FREM2: variants seen among roughly 807,000 people sequenced by gnomAD.
The protein encoded by FREM2 is FRAS1-related extracellular matrix protein 2.
In FREM2, 119 loss-of-function variants were observed where a neutral mutation model predicts 219.9. The ratio of observed to expected loss-of-function variants is 0.54; its 90% CI spans 0.47 to 0.63. The LOEUF is 0.63. Ranked by LOEUF, FREM2 falls within the 30% of genes least tolerant of loss-of-function variation. The probability of loss-of-function intolerance (pLI) is 0.00; values close to 1 mark genes in which losing one functional copy is unlikely to be tolerated. For synonymous variants in FREM2, 1,562 were observed against 1,522.8 expected (o/e 1.03, Z -0.60); for missense variants, 4,030 against 3,993.6 (o/e 1.01, Z -0.25).
At chr13:38,732,369 A>G (rs1307512995) in intron 2 of FREM2, among the ~76,000 whole-genome samples, 2 of 152,222 alleles carry the variant, frequency 1.3e-5, no homozygotes, top group Non-Finnish European at 2.9e-5. Flanking sequence ...ATTGCTGCTT[A>G]ATAGTAAAAT....
At chr13:38,756,448 T>G (rs554115204) in intron 2 of FREM2, among the ~76,000 whole-genome samples, 4 of 152,014 alleles carry the variant, frequency 2.6e-5, no homozygotes, top group Admixed American at 2.0e-4. Context: ...AGCACACGAA[T>G]TTTCTTTGCA....
At position 38,689,021 on chromosome 13, in the gene FREM2, G is replaced by C. The variant is rs199921323; in HGVS notation, c.1677G>C (p.Gln559His). 162 of 1,613,848 alleles carry C rather than the reference G, an allele frequency of 1.0e-4. No homozygotes were observed. The highest frequency in any genetic ancestry group is 1.3e-4 in the Non-Finnish European group (153 of 1,179,936). ...TCACCTTAGTGCCTGTGGATGACCA[G>C]CCACCTGTTCTCAATGCCAACACGG... ...FPITLVPVDD[Q>H]PPVLNANTGL... The change falls in exon 1 of 24, where the codon CAG becomes CAC. Residue 559 changes from glutamine (Q) to histidine (H), a missense_variant. Physicochemically the swap from Gln to His is conservative, Grantham distance 24. This residue lies in a region of FREM2 where 3,102 missense variants were observed against 2,950.7 expected (regional missense o/e 1.05). Coordinates refer to ENST00000280481, the MANE Select transcript of FREM2 (RefSeq NM_207361.6).
chr13:38,688,785 C>A lies in FREM2; in HGVS notation c.1441C>A (p.Leu481Ile). The A allele has an allele frequency of 5.0e-6, 8 of 1,614,066 alleles. No individual in the cohort carries two copies. The highest frequency in any genetic ancestry group is 5.9e-6 in the Non-Finnish European group (7 of 1,180,030). The stretch of plus-strand genomic sequence containing the variant: ...TGAGGATGACCTAGAAGCAGTGCGG[C>A]TAGAGGTGGTGGCTGGGCTCCGGCA... The part of the protein sequence containing the change: ...SDEDDLEAVR[L>I]EVVAGLRHGH... The change falls in exon 1 of 24, where the codon CTA becomes ATA. Residue 481 changes from leucine to isoleucine, a missense_variant. This residue lies in a region of FREM2 where 3,102 missense variants were observed against 2,950.7 expected (regional missense o/e 1.05). Coordinates refer to ENST00000280481, the MANE Select transcript of FREM2 (RefSeq NM_207361.6).
chr13:38,840,868 CA>C (rs1421547517), intron 6 of FREM2, among the ~76,000 whole-genome samples: 3 of 151,986 alleles, frequency 2.0e-5, no homozygotes, highest in African/African-American at 4.8e-5. Flanking sequence ...ATACAATGAA[CA>C]ATCCTTTGTA....
chr13:38,847,350 G>A (rs1371247802), intron 7 of FREM2, among the ~76,000 whole-genome samples: 5 of 151,902 alleles, frequency 3.3e-5, no homozygotes, highest in African/African-American at 7.3e-5. Flanking sequence ...ACACACATGA[G>A]AACACACATG....
chr13:38,689,368 A>T lies in FREM2; in HGVS notation c.2024A>T (p.Gln675Leu). Reference sequence around the variant, plus strand: ...ACAGACCAGTTCACATTTAGAGTCCAGGATAACCATGACCCTCCTAATCAG... The same window carrying T: ...ACAGACCAGTTCACATTTAGAGTCCTGGATAACCATGACCCTCCTAATCAG... ...PVTDQFTFRV[Q>L]DNHDPPNQSG... Residue 675 changes from glutamine to leucine, a missense_variant, in exon 1 of 24, where the codon CAG becomes CTG. This residue lies in a region of FREM2 where 3,102 missense variants were observed against 2,950.7 expected (regional missense o/e 1.05). Transcript: ENST00000280481. 1 of 1,614,124 alleles carries T rather than the reference A, an allele frequency of 6.2e-7. No homozygotes were observed. Among genetic ancestry groups the T allele is most frequent in the South Asian group, 1.1e-5 (1 of 91,088 alleles).
intron 2 of FREM2, among the ~76,000 whole-genome samples, chr13:38,752,366 A>G (rs938268597): frequency 6.6e-6 from 1 of 152,174 alleles, no homozygotes. Flanking sequence ...GCCGCTGAAA[A>G]CAAATAGAGC....
chr13:38,716,958 T>C (rs1454759667), intron 2 of FREM2, among the ~76,000 whole-genome samples: 1 of 152,214 alleles, frequency 6.6e-6, no homozygotes, highest in Non-Finnish European at 1.5e-5. Context: ...AAGCTTATAC[T>C]ATAAATGCTT....
chr13:38,768,025 A>G (rs1260487627), intron 3 of FREM2, among the ~76,000 whole-genome samples: 3 of 152,162 alleles, frequency 2.0e-5, no homozygotes, highest in Non-Finnish European at 2.9e-5. Context: ...CGAAGGCAAG[A>G]GTTTTTGTCT....
intron 6 of FREM2, among the ~76,000 whole-genome samples, chr13:38,813,555 C>A (rs1467082351): frequency 0.013 from 283 of 22,354 alleles, no homozygotes; most frequent in African/African-American, 0.018. Context: ...CTCTCTCTCT[C>A]TCTCTCTCTA....
intron 2 of FREM2, among the ~76,000 whole-genome samples, chr13:38,758,928 G>A (rs1873123258): frequency 6.6e-6 from 1 of 152,104 alleles, no homozygotes; most frequent in African/African-American, 2.4e-5. Flanking sequence ...AACTACTCAG[G>A]GGCCTGAGGT....
chr13:38,874,519 G>C lies in FREM2; in HGVS notation c.8214G>C (p.Glu2738Asp). The change falls in exon 18 of 24, where the codon GAG becomes GAC. Residue 2738 changes from glutamate (E) to aspartate (D), a missense_variant. Coordinates refer to ENST00000280481, the MANE Select transcript of FREM2 (RefSeq NM_207361.6). The part of the protein sequence containing the change: ...LYPTSMRIGD[E>D]GRLAVHFKTE... ...CAACCAGCATGCGCATCGGTGATGA[G>C]GGGCGCTTGGCCGTGCACTTCAAGA... 1 of 1,614,138 alleles carries C rather than the reference G, an allele frequency of 6.2e-7. No homozygotes were observed.
chr13:38,689,876 C>T lies in FREM2; in HGVS notation c.2532C>T (p.His844=), dbSNP rs1369224911. 9 of 1,614,162 alleles carry T rather than the reference C, an allele frequency of 5.6e-6. No individual in the cohort carries two copies. The highest frequency in any genetic ancestry group is 7.6e-6 in the Non-Finnish European group (9 of 1,180,028). The change falls in exon 1 of 24, where the codon CAC becomes CAT. Residue 844 remains histidine (H), a synonymous_variant. Coordinates refer to ENST00000280481, the MANE Select transcript of FREM2 (RefSeq NM_207361.6). Reference sequence around the variant, plus strand: ...GCTTCACTATTCAGGAGAAGGGTCACCACATCCTGAGTGAGACAGAGTTGC... The same window carrying T: ...GCTTCACTATTCAGGAGAAGGGTCATCACATCCTGAGTGAGACAGAGTTGC... The part of the protein sequence containing the change: ...NTGFTIQEKG[H]HILSETELHV...
At chr13:38,766,927 A>G (rs1873459179) in intron 3 of FREM2, among the ~76,000 whole-genome samples, 1 of 152,204 alleles carries the variant, frequency 6.6e-6, no homozygotes, top group African/African-American at 2.4e-5. Flanking sequence ...GTAGTGAACT[A>G]TGAAGAAACA....
intron 2 of FREM2, among the ~76,000 whole-genome samples, chr13:38,743,299 A>G (rs1409315661): frequency 1.3e-5 from 2 of 151,412 alleles, no homozygotes; most frequent in Non-Finnish European, 2.9e-5. Flanking sequence ...ATATAGCTAT[A>G]TAGAGAGATA....
rs1033974114 is a variant in FREM2 at position 38,711,591 on chromosome 13, A to G, written c.5263+13804A>G. ...GATACCATATAGCATTTGATTTTTG[A>G]TATTTCAAGGAATGGATTGTTTTTT... is the stretch of plus-strand genomic sequence containing the variant. On this transcript the variant is annotated intron_variant, in intron 2 of 23. Coordinates refer to ENST00000280481, the MANE Select transcript of FREM2 (RefSeq NM_207361.6). Among the ~76,000 whole-genome samples, 3 of 152,308 alleles carry G rather than the reference A, an allele frequency of 2.0e-5. No homozygotes were observed. In the South Asian group the frequency reaches 6.2e-4, roughly 32 times the overall value.
chr13:38,720,124 A>G (rs1365137355), intron 2 of FREM2, among the ~76,000 whole-genome samples: 1 of 152,122 alleles, frequency 6.6e-6, no homozygotes, highest in Non-Finnish European at 1.5e-5. Flanking sequence ...TTTCCTTCTA[A>G]CCTACTATGT....
In FREM2 at chr13:38,880,390, T is replaced by C. The variant is rs114688149; in HGVS notation, c.9113T>C (p.Val3038Ala). Reference protein sequence around the residue: ...GKRSVEYHSLVSQGKPQSTTK... With the variant: ...GKRSVEYHSLASQGKPQSTTK... ...AGAAGTGTGGAGTACCATTCTCTGG[T>C]GAGTCAAGGAAAGCCCCAATCCACC... The change falls in exon 24 of 24, where the codon GTG (valine) becomes GCG (alanine). Residue 3038 changes from valine (V) to alanine (A), a missense_variant. Physicochemically the swap from Val to Ala is moderately conservative, Grantham distance 64 (BLOSUM62 0). Transcript: ENST00000280481. 3.5e-4 allele frequency: 561 copies of C among 1,613,642 alleles called. 5 individuals carry two copies. In the African/African-American group the frequency reaches 6.7e-3, roughly 19 times the overall value.
intron 2 of FREM2, among the ~76,000 whole-genome samples, chr13:38,745,823 A>G (rs935011291): frequency 2.0e-5 from 3 of 152,164 alleles, no homozygotes; most frequent in African/African-American, 4.8e-5. Context: ...TATTCTGCCT[A>G]TCGGGGACAA....
Sources: gnomAD v4.1 joint callset for allele counts (sites outside exome capture counted in the v4.1 genomes callset) on GRCh38, gnomAD v4.1.1 for gene constraint, gnomAD v4.1.1 regional missense constraint, MANE v1.5 for transcripts, NCBI Gene and HGNC (gene_info 2026-07-23, HGNC 2026-07-21) for gene names.